ZNF385C: variants seen among roughly 807,000 people sequenced by gnomAD.
ZNF385C encodes zinc finger protein 385C.
Under a neutral mutation model 35.4 loss-of-function variants are expected in ZNF385C, and 28 were observed. The observed-to-expected ratio is 0.79, with a 90% CI of 0.59 to 1.08. ZNF385C has a LOEUF of 1.08. Among genes scored for constraint, ZNF385C ranks in the 50% least tolerant of loss-of-function variants. ZNF385C has a pLI of 0.00. For synonymous variants in ZNF385C, 248 were observed against 248.2 expected (o/e 1.00, Z 0.01); for missense variants, 605 against 595.6 (o/e 1.02, Z -0.16).
chr17:42,051,432 T>C (rs1222146068), intron 2 of ZNF385C, among the ~76,000 whole-genome samples: 1 of 152,016 alleles, frequency 6.6e-6, no homozygotes, highest in Non-Finnish European at 1.5e-5. Flanking sequence ...CGTGGAGGTG[T>C]GGAGTCCAGA....
intron 2 of ZNF385C, among the ~76,000 whole-genome samples, chr17:42,047,411 A>G (rs2053188077): frequency 1.3e-5 from 2 of 151,600 alleles, no homozygotes; most frequent in South Asian, 4.2e-4. Flanking sequence ...CCGACCTCAG[A>G]TGATCCGCCC....
intron 1 of ZNF385C, among the ~76,000 whole-genome samples, chr17:42,076,946 A>T (rs2053692720): frequency 6.6e-6 from 1 of 152,126 alleles, no homozygotes; most frequent in Admixed American, 6.5e-5. Flanking sequence ...CAGGCCCCTT[A>T]AATATTGCCC....
At chr17:42,079,376 CTG>C (rs2053722871) in intron 1 of ZNF385C, among the ~76,000 whole-genome samples, 1 of 117,980 alleles carries the variant, frequency 8.5e-6, no homozygotes, top group South Asian at 2.6e-4. Context: ...CAGTGAGACT[CTG>C]TCTCAAAAAA....
chr17:42,076,272 C>A (rs538449236), intron 1 of ZNF385C, among the ~76,000 whole-genome samples: 19 of 152,326 alleles, frequency 1.2e-4, no homozygotes, highest in African/African-American at 4.6e-4. Context: ...CCACTCATTT[C>A]ATCCCCTACT....
At chr17:42,086,965 A>G (rs2053816199) in intron 1 of ZNF385C, among the ~76,000 whole-genome samples, 1 of 151,064 alleles carries the variant, frequency 6.6e-6, no homozygotes, top group South Asian at 2.1e-4. Flanking sequence ...AGTAGCTGGG[A>G]TTACACCACC....
At chr17:42,073,680 A>C (rs1376217392) in intron 1 of ZNF385C, among the ~76,000 whole-genome samples, 3 of 152,202 alleles carry the variant, frequency 2.0e-5, no homozygotes, top group African/African-American at 7.2e-5. Flanking sequence ...AACCAGGAAG[A>C]GCAGGAGGCA....
chr17:42,056,029 C>T (rs1325335357), intron 2 of ZNF385C, among the ~76,000 whole-genome samples: 1 of 152,202 alleles, frequency 6.6e-6, no homozygotes, highest in East Asian at 1.9e-4. Context: ...CTAACCTGTC[C>T]CCCGTACTGT....
At chr17:42,090,978 G>C (rs1243669890) in intron 1 of ZNF385C, among the ~76,000 whole-genome samples, 1 of 152,190 alleles carries the variant, frequency 6.6e-6, no homozygotes, top group African/African-American at 2.4e-5. Context: ...CATAGTAGGT[G>C]CTCCATAAAT....
intron 1 of ZNF385C, among the ~76,000 whole-genome samples, chr17:42,064,087 C>G (rs1302297164): frequency 6.9e-6 from 1 of 144,884 alleles, no homozygotes; most frequent in African/African-American, 2.7e-5. Flanking sequence ...CACACACACA[C>G]ACACACACAC....
chr17:42,074,009 C>G (rs564367991), intron 1 of ZNF385C, among the ~76,000 whole-genome samples: 2 of 152,354 alleles, frequency 1.3e-5, no homozygotes, highest in East Asian at 3.9e-4. Flanking sequence ...TCCCCTCAGT[C>G]TGGAACATCC....
intron 1 of ZNF385C, among the ~76,000 whole-genome samples, chr17:42,069,527 T>C (rs1598199548): frequency 6.6e-6 from 1 of 152,126 alleles, no homozygotes; most frequent in Non-Finnish European, 1.5e-5. Flanking sequence ...CCTAAAGAGG[T>C]AACCGGAGAG....
At chr17:42,042,749 G>A (rs1285371045) in intron 2 of ZNF385C, 4 of 1,038,608 alleles carry the variant, frequency 3.9e-6, no homozygotes, top group Admixed American at 4.3e-5. Flanking sequence ...TGCTCCCCAA[G>A]GAGCTGGCAT....
intron 3 of ZNF385C, among the ~76,000 whole-genome samples, chr17:42,035,577 A>G (rs1231085404): frequency 3.2e-4 from 45 of 140,194 alleles, no homozygotes; most frequent in Middle Eastern, 3.8e-3. Flanking sequence ...TATAAGATGG[A>G]ATACTGCTCT....
In ZNF385C at chr17:42,062,922, A is replaced by G. The variant is rs1555658123; in HGVS notation, c.135T>C (p.Cys45=). 1 of 696,102 alleles carries G rather than the reference A, an allele frequency of 1.4e-6. No homozygotes were observed. Among genetic ancestry groups the G allele is most frequent in the Non-Finnish European group, 2.6e-6 (1 of 381,686 alleles). The allele number at this position is 696,102 out of a possible 1,614,324, so 43.1% of individuals were successfully genotyped here. A position where few individuals can be genotyped will look rare whatever the true frequency, so the allele number is the denominator to read the frequency against. The change falls in exon 2 of 9, where the codon TGT becomes TGC. Residue 45 remains cysteine (C), a synonymous_variant. Transcript: ENST00000692273. ...RERKRPSYTL[C]DVCNIQLNSA... is the part of the protein sequence containing the mutation. ...AGTTCAGCTGGATGTTGCAGACATC[A>G]CAGAGCGTGTACGATGGCCGCTTTC...
chr17:42,038,211 C>G (rs1481917881), intron 2 of ZNF385C: 19 of 667,400 alleles, frequency 2.8e-5, no homozygotes, highest in Non-Finnish European at 1.2e-5. Context: ...CCCTGACACA[C>G]ACACCACCAT....
At position 42,070,174 on chromosome 17, in the gene ZNF385C, C is replaced by T. The variant is rs570858420; in HGVS notation, c.-2-7116G>A. Among the ~76,000 whole-genome samples the T allele has an allele frequency of 4.6e-5, 7 of 151,914 alleles. No homozygotes were observed. The South Asian group carries it at 1.5e-3, about 32-fold the overall frequency. ...CCTGGCTAACACGATGAAACCCCAT[C>T]TCTACCAAAAATACAAAAAAATTAG... On this transcript the variant is annotated intron_variant, in intron 1 of 8. Coordinates refer to ENST00000692273, the MANE Select transcript of ZNF385C (RefSeq NM_001392013.1).
At chr17:42,038,215 C>T (rs1293865124) in intron 2 of ZNF385C, 1 of 647,470 alleles carries the variant, frequency 1.5e-6, no homozygotes, top group Non-Finnish European at 2.6e-6. Flanking sequence ...GACACACACA[C>T]CACCATGGAG....
rs782686726 is a variant in ZNF385C at position 42,026,951 on chromosome 17, G to A, written c.1458C>T (p.Thr486=). The change falls in exon 9 of 9, where the codon ACC becomes ACT. Residue 486 remains threonine, a synonymous_variant. Coordinates refer to ENST00000692273, the MANE Select transcript of ZNF385C (RefSeq NM_001392013.1). ...TGGCAGGGCGGACAGCTCCTGCTGG[G>A]GTGCGAAACAGAGCTGGGCCCAGGA... ...APILGPALFR[T]PAGAVRPATG... 8.1e-6 allele frequency: 13 copies of A among 1,611,364 alleles called. No homozygotes were observed. Among genetic ancestry groups the A allele is most frequent in the African/African-American group, 1.3e-5 (1 of 75,002 alleles).
At chr17:42,040,226 G>A in intron 2 of ZNF385C, 1 of 1,231,604 alleles carries the variant, frequency 8.1e-7, no homozygotes, top group Non-Finnish European at 1.0e-6. Context: ...TAGGAGTCCT[G>A]TAGGCCCTTC....
Sources: allele counts gnomAD v4.1 joint callset (sites outside exome capture counted in the v4.1 genomes callset), GRCh38; gene constraint gnomAD v4.1.1; transcripts MANE v1.5; gene names NCBI Gene and HGNC (gene_info 2026-07-23, HGNC 2026-07-21).